Variants in TGM7 observed in about 807,000 individuals in gnomAD.
The protein encoded by TGM7 is protein-glutamine gamma-glutamyltransferase Z.
TGM7 carries 74 observed loss-of-function variants against 79.5 expected under a neutral mutation model. The ratio of observed to expected loss-of-function variants is 0.93; its 90% CI spans 0.77 to 1.13. The LOEUF (loss-of-function observed/expected upper bound fraction) is 1.13, where lower values mean the gene tolerates loss of function less well. Ranked by LOEUF, TGM7 falls within the 50% of genes most tolerant of loss-of-function variation. The pLI is 0.00. For missense variants in TGM7, 912 were observed against 905.9 expected (o/e 1.01, Z -0.09); for synonymous variants, 354 against 362.5 (o/e 0.98, Z 0.27).
At chr15:43,292,279 A>G (rs1456005033) in intron 3 of TGM7, among the ~76,000 whole-genome samples, 182 bp from the exon 4 acceptor site, 1 of 152,252 alleles carries the variant, frequency 6.6e-6, no homozygotes, top group African/African-American at 2.4e-5. Flanking sequence ...TAGAAGCCAG[A>G]AATACAATGT....
chr15:43,292,048 CATGATA>C lies in TGM7; in HGVS notation c.483_488del (p.Tyr161_Met163delinsTer). 2 of 1,614,032 alleles carry C rather than the reference CATGATA, an allele frequency of 1.2e-6. No homozygotes were observed. Among genetic ancestry groups the C allele is most frequent in the Non-Finnish European group, 1.7e-6 (2 of 1,180,010 alleles). ...CCTTGTAAACAAAGCCATAATCTCG[CATGATA>C]TACTCCTGCAGCAGTATTTCACTTG... On this transcript the variant is annotated stop_gained and inframe_deletion, in exon 4 of 13. Transcript: ENST00000452443. LOFTEE classifies it high-confidence loss of function.
chr15:43,300,530 G>C (rs572502289), intron 1 of TGM7, among the ~76,000 whole-genome samples: 1 of 152,182 alleles, frequency 6.6e-6, no homozygotes, highest in Non-Finnish European at 1.5e-5. Context: ...GGCCGGGCGC[G>C]GTGGCTCACG....
At chr15:43,296,909 A>G (rs2042994864) in intron 1 of TGM7, among the ~76,000 whole-genome samples, 1 of 152,182 alleles carries the variant, frequency 6.6e-6, no homozygotes, top group South Asian at 2.1e-4. Flanking sequence ...AAGGGTTTTC[A>G]AAAGCAGGAA....
intron 7 of TGM7, among the ~76,000 whole-genome samples, chr15:43,283,729 A>G (rs1451557169): frequency 6.6e-6 from 1 of 152,236 alleles, no homozygotes; most frequent in East Asian, 1.9e-4. Flanking sequence ...ATCAGAGACA[A>G]TTCAGACCTC....
chr15:43,276,769 C>G lies in TGM7; in HGVS notation c.1973+93G>C, dbSNP rs560166223. ...GGGTGAGAAAGTGGGGGCAGAGAGG[C>G]ACTGCACAGGAGACTGAGGAGGGTC... On this transcript the variant is annotated intron_variant, in intron 12 of 12. Coordinates refer to ENST00000452443, the MANE Select transcript of TGM7 (RefSeq NM_052955.3). 13 of 1,553,144 alleles carry G rather than the reference C, an allele frequency of 8.4e-6. No individual in the cohort carries two copies. In the African/African-American group the frequency reaches 1.8e-4, roughly 21 times the overall value.
Position 43,293,599 on chromosome 15 carries a change from G to A in TGM7, c.43C>T (p.Gln15Ter). 6.2e-7 allele frequency: 1 copy of A among 1,609,202 alleles called. No homozygotes were observed. Among genetic ancestry groups the A allele is most frequent in the Non-Finnish European group, 8.5e-7 (1 of 1,179,084 alleles). The change falls in exon 2 of 13, where the codon CAG becomes TAG. Residue 15 changes from glutamine (Q) to a stop codon, truncating the protein, a stop_gained. Coordinates refer to ENST00000452443, the MANE Select transcript of TGM7 (RefSeq NM_052955.3). LOFTEE classifies it high-confidence loss of function. ...ATLRLESVDLQSSRNNKEHHT... is the reference protein window; with the variant it reads ...ATLRLESVDL ...TGCTCCTTGTTGTTCCTGGAGCTCT[G>A]CAGGTCGACAGACTCAAGCCGCAAG... is the stretch of plus-strand genomic sequence containing the variant.
chr15:43,289,981 T>C (rs1292610941), intron 4 of TGM7, among the ~76,000 whole-genome samples: 1 of 152,184 alleles, frequency 6.6e-6, no homozygotes, highest in Non-Finnish European at 1.5e-5. Flanking sequence ...ATCAGATGAG[T>C]AGGTTGTGAA....
At chr15:43,292,262 G>A (rs538290582) in intron 3 of TGM7, among the ~76,000 whole-genome samples, 165 bp from the exon 4 acceptor site, 7 of 152,268 alleles carry the variant, frequency 4.6e-5, no homozygotes, top group African/African-American at 7.2e-5. Context: ...TCTACTATGT[G>A]CTTTTCTAGA....
intron 8 of TGM7, 105 bp downstream of exon 8, chr15:43,282,412 G>A: frequency 1.0e-6 from 1 of 976,804 alleles, no homozygotes; most frequent in Non-Finnish European, 1.5e-6. Flanking sequence ...CGGGAAGAGG[G>A]TGCCGTGGAA....
In TGM7 at chr15:43,280,619, G is replaced by A. The variant is rs550747306; in HGVS notation, c.1352-668C>T. ...GCCTGGGCAACAAGAGTGAAACTCC[G>A]CCTAAAAAAAAAACAAAAGAGCTTC... is the stretch of plus-strand genomic sequence containing the variant. On this transcript the variant is annotated intron_variant, in intron 9 of 12. Coordinates refer to ENST00000452443, the MANE Select transcript of TGM7 (RefSeq NM_052955.3). Among the ~76,000 whole-genome samples, 7 of 151,204 alleles carry A rather than the reference G, an allele frequency of 4.6e-5. No individual in the cohort carries two copies. In the South Asian group the frequency reaches 1.2e-3, roughly 27 times the overall value.
intron 6 of TGM7, among the ~76,000 whole-genome samples, chr15:43,286,048 T>C (rs2042934328): frequency 6.6e-6 from 1 of 152,164 alleles, no homozygotes; most frequent in Non-Finnish European, 1.5e-5. Context: ...ATTACACAGC[T>C]TCAAAAAGTA....
intron 3 of TGM7, 82 bp downstream of exon 3, chr15:43,292,627 A>G (rs1440675140): frequency 1.3e-6 from 2 of 1,554,410 alleles, no homozygotes; most frequent in Non-Finnish European, 1.7e-6. Flanking sequence ...GTGGCGATTT[A>G]TTTTCTGGGC....
In TGM7 at chr15:43,284,803, GTGCCTCTC is replaced by G. The variant is rs1373667858; in HGVS notation, c.1004+3_1004+10del. The G allele has an allele frequency of 6.2e-7, 1 of 1,614,040 alleles. No homozygotes were observed. Among genetic ancestry groups the G allele is most frequent in the Admixed American group, 1.7e-5 (1 of 60,004 alleles). On this transcript the variant is annotated splice_donor_5th_base_variant and intron_variant, in intron 7 of 12. Coordinates refer to ENST00000452443, the MANE Select transcript of TGM7 (RefSeq NM_052955.3). Reference sequence around the variant, plus strand: ...ACAAAGCAGAGATCTGTTCAAGACAGTGCCTCTCACCATATTTTGTCTCGTTTCTGAGT... The same window carrying G: ...ACAAAGCAGAGATCTGTTCAAGACAGACCATATTTTGTCTCGTTTCTGAGT...
At chr15:43,288,429 G>A (rs771566933) in intron 4 of TGM7, among the ~76,000 whole-genome samples, 28 of 152,028 alleles carry the variant, frequency 1.8e-4, no homozygotes, top group Non-Finnish European at 3.4e-4. Context: ...GAGTGGAAAC[G>A]TTGCCCAGAG....
chr15:43,290,476 T>C (rs1402107212), intron 4 of TGM7, among the ~76,000 whole-genome samples: 1 of 152,204 alleles, frequency 6.6e-6, no homozygotes. Context: ...AGCCTTGTAG[T>C]ATAGTTTGAA....
At chr15:43,279,529 G>C in intron 10 of TGM7, 96 bp downstream of exon 10, 1 of 1,405,396 alleles carries the variant, frequency 7.1e-7, no homozygotes, top group East Asian at 2.3e-5. Flanking sequence ...TGGAGGAAGG[G>C]GTCTGTGTGT....
At chr15:43,299,920 G>T (rs1402032172) in intron 1 of TGM7, among the ~76,000 whole-genome samples, 1 of 152,152 alleles carries the variant, frequency 6.6e-6, no homozygotes, top group African/African-American at 2.4e-5. Flanking sequence ...TTACTTAAAA[G>T]TTCAAGTCCA....
At chr15:43,288,063 G>A (rs1186304462) in intron 4 of TGM7, among the ~76,000 whole-genome samples, 1 of 152,098 alleles carries the variant, frequency 6.6e-6, no homozygotes, top group Non-Finnish European at 1.5e-5. Context: ...ACTCCTATCT[G>A]GAGGACTTGA....
chr15:43,288,886 T>C (rs1261545180), intron 4 of TGM7, among the ~76,000 whole-genome samples: 1 of 152,054 alleles, frequency 6.6e-6, no homozygotes, highest in Non-Finnish European at 1.5e-5. Context: ...ATCATGCCAC[T>C]GCACTCCAGC....
Sources: allele counts gnomAD v4.1 joint callset (sites outside exome capture counted in the v4.1 genomes callset), GRCh38; gene constraint gnomAD v4.1.1; transcripts MANE v1.5; gene names NCBI Gene and HGNC (gene_info 2026-07-23, HGNC 2026-07-21).